LRPPRC: variants seen among roughly 807,000 people sequenced by gnomAD.
LRPPRC encodes leucine rich pentatricopeptide repeat containing.
In LRPPRC, 120 loss-of-function variants were observed where a neutral mutation model predicts 180.3. That is an observed-to-expected ratio of 0.67 (90% CI 0.57 to 0.77). The LOEUF (loss-of-function observed/expected upper bound fraction) is 0.77, where lower values mean the gene tolerates loss of function less well. LRPPRC is among the 30% of genes least tolerant of loss of function. The pLI is 0.00. For synonymous variants in LRPPRC, 723 were observed against 600.0 expected (o/e 1.21, Z -3.00); for missense variants, 2,012 against 1,657.2 (o/e 1.21, Z -3.72).
At position 43,945,323 on chromosome 2, in the gene LRPPRC, G is replaced by A. The variant is rs1368007175; in HGVS notation, c.2296+9C>T. The A allele has an allele frequency of 6.3e-7, 1 of 1,595,252 alleles. No homozygotes were observed. The highest frequency in any genetic ancestry group is 1.3e-5 in the African/African-American group (1 of 74,502). On this transcript the variant is annotated intron_variant, in intron 22 of 37. Transcript: ENST00000260665. ...GCATCACATATTTCCTTTATGTGCT[G>A]AGGCTTACCTTGGAGCTTGCCATGC...
At chr2:43,986,698 G>C (rs530456066) in intron 1 of LRPPRC, among the ~76,000 whole-genome samples, 1,513 of 98,756 alleles carry the variant, frequency 0.015, 26 homozygotes, top group African/African-American at 0.078. Context: ...CACTCAGACG[G>C]TCTCATTCTG....
In LRPPRC at chr2:43,911,522, TC is replaced by T. The variant is rs201581315; in HGVS notation, c.3275+909del. ...CCTTTTCTTTTCTTCTTCTTCTTCT[TC>T]TTTTTTTTTTTTTTTTTTTTTGAGA... On this transcript the variant is annotated intron_variant, in intron 30 of 37. Transcript: ENST00000260665. 4.2e-3 allele frequency among the ~76,000 whole-genome samples: 479 copies of T among 113,066 alleles called. 13 individuals carry two copies. Among genetic ancestry groups the T allele is most frequent in the East Asian group, 0.013 (57 of 4,448 alleles). The allele number at this position is 113,066 out of a possible 152,430, so 74.2% of individuals were successfully genotyped here. A position where few individuals can be genotyped will look rare whatever the true frequency, so the allele number is the denominator to read the frequency against.
chr2:43,918,920 C>T (rs973109734), intron 27 of LRPPRC, among the ~76,000 whole-genome samples: 3 of 150,828 alleles, frequency 2.0e-5, no homozygotes, highest in Admixed American at 6.6e-5. Flanking sequence ...ATACGTGTAC[C>T]GTATGCAATA....
intron 11 of LRPPRC, among the ~76,000 whole-genome samples, chr2:43,968,515 T>G (rs916483372): frequency 1.3e-5 from 2 of 152,224 alleles, no homozygotes; most frequent in African/African-American, 4.8e-5. Context: ...TATTACCACT[T>G]GGCTTAGATC....
At position 43,943,860 on chromosome 2, in the gene LRPPRC, C is replaced by T. The variant is rs752813655; in HGVS notation, c.2331G>A (p.Lys777=). The change falls in exon 23 of 38, where the codon AAG becomes AAA. Residue 777 remains lysine (K), a synonymous_variant. Coordinates refer to ENST00000260665, the MANE Select transcript of LRPPRC (RefSeq NM_133259.4). ...AINILKEMKE[K]DVLIKDTTAL... ...CTGTTGTATCTTTGATAAGAACATCCTTCTCTTTCATCTCCTTCAGAATGT... is the reference window on the plus strand; with the variant it reads ...CTGTTGTATCTTTGATAAGAACATCTTTCTCTTTCATCTCCTTCAGAATGT... 20 of 1,612,930 alleles carry T rather than the reference C, an allele frequency of 1.2e-5. No homozygotes were observed. Among genetic ancestry groups the T allele is most frequent in the Non-Finnish European group, 1.4e-5 (17 of 1,179,230 alleles).
rs1167945388 is a variant in LRPPRC at position 43,960,474 on chromosome 2, C to G, written c.1582+67G>C. On this transcript the variant is annotated intron_variant, in intron 13 of 37. Transcript: ENST00000260665. ...TCCTTGCTTTCATTGCGTGAACCAC[C>G]CTGCATGCCCTCAATAGTAACTGAA... 4.6e-6 allele frequency: 4 copies of G among 878,842 alleles called. No individual in the cohort carries two copies. The African/African-American group carries it at 4.9e-5, about 11-fold the overall frequency. 54.4% of individuals were successfully genotyped at this position (878,842 alleles called of 1,614,324 possible).
rs577065381 is a variant in LRPPRC at position 43,976,804 on chromosome 2, T to G, written c.650+190A>C. 2.7e-3 allele frequency among the ~76,000 whole-genome samples: 407 copies of G among 152,232 alleles called. 1 individual carries two copies. Among genetic ancestry groups the G allele is most frequent in the Middle Eastern group, 0.017 (5 of 294 alleles). On this transcript the variant is annotated intron_variant, in intron 5 of 37. Coordinates refer to ENST00000260665, the MANE Select transcript of LRPPRC (RefSeq NM_133259.4). The stretch of plus-strand genomic sequence containing the variant: ...AATTTTTAATTAAAATAGCAACTTT[T>G]ACTTATCTTTTCTCTCTTACACGAT...
rs770915391 is a variant in LRPPRC, at chr2:43,957,416, T to C, written c.1618A>G (p.Ile540Val). 8 of 1,613,656 alleles carry C rather than the reference T, an allele frequency of 5.0e-6. No individual in the cohort carries two copies. The highest frequency in any genetic ancestry group is 1.7e-5 in the Admixed American group (1 of 60,016). Residue 540 changes from isoleucine (I) to valine (V), a missense_variant, in exon 14 of 38, where the codon ATA (isoleucine) becomes GTA (valine). Physicochemically the swap from Ile to Val is conservative, Grantham distance 29. Transcript: ENST00000260665. ...AAGCCTAGCAGTAGGCTACTTCTTA[T>C]AGACTGCAGCGAGATGGGCAATGTA... Reference protein sequence around the residue: ...SNTLPISLQSIRSSLLLGFRR... With the variant: ...SNTLPISLQSVRSSLLLGFRR...
intron 11 of LRPPRC, among the ~76,000 whole-genome samples, chr2:43,967,039 T>G (rs1228695258): frequency 1.3e-5 from 2 of 151,790 alleles, no homozygotes; most frequent in Non-Finnish European, 2.9e-5. Flanking sequence ...TGACAGAGCC[T>G]CCATAACTAG....
chr2:43,905,164 G>T (rs1251157238), intron 31 of LRPPRC, among the ~76,000 whole-genome samples: 2 of 151,812 alleles, frequency 1.3e-5, no homozygotes, highest in Non-Finnish European at 2.9e-5. Flanking sequence ...TTGGTATTAT[G>T]AACTATTAAA....
At chr2:43,985,009 T>G (rs1040044591) in intron 1 of LRPPRC, among the ~76,000 whole-genome samples, 34 of 147,126 alleles carry the variant, frequency 2.3e-4, no homozygotes, top group African/African-American at 8.7e-4. Flanking sequence ...TTAAGGTGGG[T>G]TTTTTTTTAA....
In LRPPRC at chr2:43,959,194, T is replaced by C. The variant is rs1305000480; in HGVS notation, c.1582+1347A>G. On this transcript the variant is annotated intron_variant, in intron 13 of 37. Coordinates refer to ENST00000260665, the MANE Select transcript of LRPPRC (RefSeq NM_133259.4). The stretch of plus-strand genomic sequence containing the variant: ...CCAGATTCCTCTGCTAATGCTTCTC[T>C]GTTTTCTTCTTGTCAGATTGGAAAA... 7.0e-6 allele frequency: 5 copies of C among 716,630 alleles called. No individual in the cohort carries two copies. In the South Asian group the frequency reaches 7.4e-5, roughly 11 times the overall value. The allele number at this position is 716,630 out of a possible 1,614,324, so 44.4% of individuals were successfully genotyped here.
At chr2:43,909,733 C>A (rs1269389037) in intron 30 of LRPPRC, among the ~76,000 whole-genome samples, 1 of 151,838 alleles carries the variant, frequency 6.6e-6, no homozygotes, top group African/African-American at 2.4e-5. Context: ...GTATACTTAT[C>A]CCCAAACTCA....
intron 36 of LRPPRC, among the ~76,000 whole-genome samples, chr2:43,891,939 A>G (rs1485370103): frequency 6.6e-6 from 1 of 152,258 alleles, no homozygotes; most frequent in Non-Finnish European, 1.5e-5. Context: ...TAAGAAACTG[A>G]CACAGCCTTA....
Position 43,948,420 on chromosome 2 carries a change from C to G in LRPPRC, c.1834G>C (p.Glu612Gln), listed in dbSNP as rs751140324. Residue 612 changes from glutamate to glutamine, a missense_variant, in exon 17 of 38, where the codon GAG becomes CAG. Transcript: ENST00000260665. The part of the protein sequence containing the change: ...EHLRQYFHQL[E>Q]KMNVKIPENI... ...AAAAAACGAAATGGTACCATCTTCT[C>G]CAGCTGATGGAAGTATTGTCTCAAA... 1 of 1,602,996 alleles carries G rather than the reference C, an allele frequency of 6.2e-7. No homozygotes were observed. Among genetic ancestry groups the G allele is most frequent in the Admixed American group, 1.7e-5 (1 of 60,006 alleles).
At chr2:43,976,467 T>G (rs1674060801) in intron 5 of LRPPRC, among the ~76,000 whole-genome samples, 1 of 152,158 alleles carries the variant, frequency 6.6e-6, no homozygotes, top group South Asian at 2.1e-4. Context: ...TTTAAAAATC[T>G]GATTATCTGA....
intron 26 of LRPPRC, 88 bp downstream of exon 26, chr2:43,925,805 G>T (rs541313957): frequency 8.2e-6 from 7 of 856,264 alleles, no homozygotes; most frequent in Middle Eastern, 2.2e-4. Context: ...CCTGTCTCTC[G>T]AAGTCCCCAA....
intron 28 of LRPPRC, 46 bp from the exon 29 acceptor site, chr2:43,918,179 CA>C (rs1274864178): frequency 6.3e-7 from 1 of 1,597,164 alleles, no homozygotes; most frequent in East Asian, 2.2e-5. Flanking sequence ...GTAATCTTTT[CA>C]ATATAAAAGT....
intron 27 of LRPPRC, among the ~76,000 whole-genome samples, chr2:43,921,390 A>G (rs1249580193): frequency 6.6e-6 from 1 of 152,236 alleles, no homozygotes; most frequent in Non-Finnish European, 1.5e-5. Context: ...GGATACCAGC[A>G]GTTAAGATTC....
Sources: gnomAD v4.1 joint callset for allele counts (sites outside exome capture counted in the v4.1 genomes callset) on GRCh38, gnomAD v4.1.1 for gene constraint, MANE v1.5 for transcripts, NCBI Gene and HGNC (gene_info 2026-07-23, HGNC 2026-07-21) for gene names.